Variants in SLC6A6 observed in about 807,000 individuals in gnomAD.
SLC6A6 encodes sodium- and chloride-dependent taurine transporter.
In SLC6A6, 16 loss-of-function variants were observed where a neutral mutation model predicts 68.8. The observed-to-expected ratio is 0.23, with a 90% CI of 0.16 to 0.35. SLC6A6 has a LOEUF of 0.35. Among genes scored for constraint, SLC6A6 ranks in the 10% least tolerant of loss-of-function variants. The pLI, the probability that SLC6A6 is intolerant of heterozygous loss-of-function variation, is 1.00. For synonymous variants in SLC6A6, 312 were observed against 315.4 expected (o/e 0.99, Z 0.12); for missense variants, 474 against 802.8 (o/e 0.59, Z 4.95).
In SLC6A6 at chr3:14,443,710, C is replaced by G; in HGVS notation, c.76C>G (p.Pro26Ala). ...DILKPSPGKS[P>A]GTRPEDEAEG... ...CCTGAAGCCCTCACCAGGGAAGAGCCCAGGCACGCGGCCTGAGGACGAGGC... is the reference window on the plus strand; with the variant it reads ...CCTGAAGCCCTCACCAGGGAAGAGCGCAGGCACGCGGCCTGAGGACGAGGC... The change falls in exon 3 of 15, where the codon CCA (proline) becomes GCA (alanine). Residue 26 changes from proline (P) to alanine (A), a missense_variant. Transcript: ENST00000622186. 1 of 1,614,068 alleles carries G rather than the reference C, an allele frequency of 6.2e-7. No individual in the cohort carries two copies. Among genetic ancestry groups the G allele is most frequent in the Non-Finnish European group, 8.5e-7 (1 of 1,179,942 alleles).
chr3:14,466,463 T>G, intron 6 of SLC6A6, 53 bp from the exon 7 acceptor site: 5 of 1,570,932 alleles, frequency 3.2e-6, no homozygotes, highest in Non-Finnish European at 4.3e-6. Context: ...ATGCTCAGAC[T>G]TAGCAGCAGC....
At chr3:14,471,072 G>A (rs1700739005) in intron 9 of SLC6A6, among the ~76,000 whole-genome samples, 1 of 146,296 alleles carries the variant, frequency 6.8e-6, no homozygotes. Flanking sequence ...CATTCGTCTG[G>A]TTTCTAATCC....
At position 14,486,737 on chromosome 3, in the gene SLC6A6, G is replaced by A. The variant is rs1701177766; in HGVS notation, c.*1730G>A. On this transcript the variant is annotated 3_prime_UTR_variant, in exon 15 of 15. Transcript: ENST00000622186. ...AGACCGCAGAATTTTCACAGCAGGG[G>A]CTCTTGGAACCCTGGAAACCCCCTT... 6.6e-6 allele frequency: 1 copy of A among 152,568 alleles called. No homozygotes were observed. The highest frequency in any genetic ancestry group is 1.5e-5 in the Non-Finnish European group (1 of 68,042). The allele number at this position is 152,568 out of a possible 1,614,324, so 9.5% of individuals were successfully genotyped here. A position where few individuals can be genotyped will look rare whatever the true frequency, so the allele number is the denominator to read the frequency against.
chr3:14,412,131 C>T (rs975752958), intron 1 of SLC6A6, among the ~76,000 whole-genome samples: 7 of 152,132 alleles, frequency 4.6e-5, no homozygotes, highest in African/African-American at 1.4e-4. Context: ...TGTGGAAGCG[C>T]GTGCCACCAC....
intron 1 of SLC6A6, among the ~76,000 whole-genome samples, chr3:14,403,675 T>C (rs571684642): frequency 2.8e-4 from 42 of 152,334 alleles, no homozygotes; most frequent in African/African-American, 9.1e-4. Flanking sequence ...CAAGGGGTAG[T>C]GGACAGCCGG....
intron 5 of SLC6A6, among the ~76,000 whole-genome samples, chr3:14,454,708 T>C (rs953220771): frequency 6.6e-6 from 1 of 152,206 alleles, no homozygotes; most frequent in African/African-American, 2.4e-5. Flanking sequence ...AAAGGTGATA[T>C]GTGCACATTA....
At position 14,468,231 on chromosome 3, in the gene SLC6A6, CAGT is replaced by C; in HGVS notation, c.1096+20_1096+22del. 2 of 1,609,108 alleles carry C rather than the reference CAGT, an allele frequency of 1.2e-6. No individual in the cohort carries two copies. The highest frequency in any genetic ancestry group is 1.7e-6 in the Non-Finnish European group (2 of 1,177,848). On this transcript the variant is annotated intron_variant, in intron 9 of 14. Coordinates refer to ENST00000622186, the MANE Select transcript of SLC6A6 (RefSeq NM_003043.6). This position sits in a 1 kb window ranked among gnomAD's most constrained non-coding sequence, Gnocchi z 4.5. ...GAGTCAGGTACGGTGGTATCGGTGG[CAGT>C]GGTGGTGGGCACTGCCACCTAGTGT...
intron 10 of SLC6A6, among the ~76,000 whole-genome samples, chr3:14,473,086 C>T (rs1414845732): frequency 6.6e-6 from 1 of 152,164 alleles, no homozygotes; most frequent in Non-Finnish European, 1.5e-5. Context: ...CAGTGAGAGC[C>T]GATGAGTGGC....
chr3:14,445,657 C>A lies in SLC6A6; in HGVS notation c.230-60C>A. 5.6e-6 allele frequency: 9 copies of A among 1,601,530 alleles called. No homozygotes were observed. The South Asian group carries it at 9.9e-5, about 18-fold the overall frequency. On this transcript the variant is annotated intron_variant, in intron 3 of 14. Transcript: ENST00000622186. ...TCCATTGGCTGGGAGGGCTTGGGAGCCTTCTGCGTCGGCGCTGCCATGGCC... is the reference window on the plus strand; with the variant it reads ...TCCATTGGCTGGGAGGGCTTGGGAGACTTCTGCGTCGGCGCTGCCATGGCC...
intron 1 of SLC6A6, among the ~76,000 whole-genome samples, chr3:14,403,734 T>C (rs1699041543): frequency 6.6e-6 from 1 of 152,206 alleles, no homozygotes; most frequent in Non-Finnish European, 1.5e-5. Context: ...CTTCCTTCTG[T>C]GGGTTCCTCT....
chr3:14,437,994 A>ATT (rs34038422), intron 2 of SLC6A6, among the ~76,000 whole-genome samples: 9 of 118,310 alleles, frequency 7.6e-5, no homozygotes, highest in Non-Finnish European at 8.5e-5. Flanking sequence ...CATCTGGCTA[A>ATT]TTTTTTTTTT....
chr3:14,466,761 G>C, intron 7 of SLC6A6, 111 bp downstream of exon 7: 1 of 1,077,424 alleles, frequency 9.3e-7, no homozygotes, highest in Non-Finnish European at 1.3e-6. Flanking sequence ...GTTCTTCAGT[G>C]CACAGGTCTA....
At chr3:14,480,023 C>T (rs1175772254) in intron 13 of SLC6A6, among the ~76,000 whole-genome samples, 1 of 152,214 alleles carries the variant, frequency 6.6e-6, no homozygotes, top group Non-Finnish European at 1.5e-5. Context: ...GACCTGCTAT[C>T]AGGCCAGACT....
rs1487787702 is a variant in SLC6A6, at chr3:14,477,960, T to C, written c.1348-506T>C. ...AAAGATTGTACTAAGAATGGAAGCC[T>C]AGCATCAAAGCCAGGGCACGCTCTC... On this transcript the variant is annotated intron_variant, in intron 11 of 14. Transcript: ENST00000622186. This position sits in a 1 kb window ranked among gnomAD's most constrained non-coding sequence, Gnocchi z 4.2. 6.6e-6 allele frequency among the ~76,000 whole-genome samples: 1 copy of C among 151,978 alleles called. No homozygotes were observed.
Position 14,489,099 on chromosome 3 carries a change from CAA to C in SLC6A6, c.*4093_*4094del, listed in dbSNP as rs1701261214. The C allele has an allele frequency of 2.0e-5, 3 of 152,352 alleles. No individual in the cohort carries two copies. Among genetic ancestry groups the C allele is most frequent in the Admixed American group, 2.0e-4 (3 of 15,272 alleles). 9.4% of individuals were successfully genotyped at this position (152,352 alleles called of 1,614,324 possible). A position where few individuals can be genotyped will look rare whatever the true frequency, so the allele number is the denominator to read the frequency against. ...CTTTTATAAAAAAAAAATCAACCAA[CAA>C]GAGACTTTTCTGAGGAGGAACATTT... On this transcript the variant is annotated 3_prime_UTR_variant, in exon 15 of 15. Transcript: ENST00000622186.
At position 14,487,679 on chromosome 3, in the gene SLC6A6, G is replaced by A. The variant is rs1380613130; in HGVS notation, c.*2672G>A. 6.6e-6 allele frequency: 1 copy of A among 152,304 alleles called. No individual in the cohort carries two copies. The highest frequency in any genetic ancestry group is 1.5e-5 in the Non-Finnish European group (1 of 68,034). The allele number at this position is 152,304 out of a possible 1,614,324, so 9.4% of individuals were successfully genotyped here. On this transcript the variant is annotated 3_prime_UTR_variant, in exon 15 of 15. Transcript: ENST00000622186. ...GCTAGGGCCACAGAGATTTCCTGAC[G>A]GTCAGGGAGAGAAGGGCCTCCAGGG...
At chr3:14,473,228 A>G (rs1487913221) in intron 10 of SLC6A6, among the ~76,000 whole-genome samples, 1 of 152,182 alleles carries the variant, frequency 6.6e-6, no homozygotes, top group Non-Finnish European at 1.5e-5. Flanking sequence ...TTGAAACAAC[A>G]GTTCAGAGCA....
At chr3:14,440,739 G>A (rs967697256) in intron 2 of SLC6A6, among the ~76,000 whole-genome samples, 1 of 152,172 alleles carries the variant, frequency 6.6e-6, no homozygotes, top group Non-Finnish European at 1.5e-5. Flanking sequence ...TGGATGCCAG[G>A]AATGTACAGG....
rs142643367 is a variant in SLC6A6, at chr3:14,423,028, A to G, written c.-12+6575A>G. Among the ~76,000 whole-genome samples, 455 of 152,324 alleles carry G rather than the reference A, an allele frequency of 3.0e-3. 2 individuals carry two copies. The highest frequency in any genetic ancestry group is 0.011 in the African/African-American group (438 of 41,572). On this transcript the variant is annotated intron_variant, in intron 2 of 14. Transcript: ENST00000622186. ...ATGAGGAATCCAAGACTGGGTCCAC[A>G]TCAATGAGAAGGAAGCCAGGATTGA...
Sources: allele counts gnomAD v4.1 joint callset (sites outside exome capture counted in the v4.1 genomes callset), GRCh38; gene constraint gnomAD v4.1.1; non-coding constraint Gnocchi (gnomAD v3.1); transcripts MANE v1.5; gene names NCBI Gene and HGNC (gene_info 2026-07-23, HGNC 2026-07-21).